FAM20C: variants seen among roughly 807,000 people sequenced by gnomAD.
FAM20C encodes extracellular serine/threonine protein kinase FAM20C.
Under a neutral mutation model 51.5 loss-of-function variants are expected in FAM20C, and 40 were observed. The ratio of observed to expected loss-of-function variants is 0.78; its 90% CI spans 0.60 to 1.01. The LOEUF (loss-of-function observed/expected upper bound fraction) is 1.01, where lower values mean the gene tolerates loss of function less well. Among genes scored for constraint, FAM20C ranks in the 50% least tolerant of loss-of-function variants. FAM20C has a pLI of 0.00. For synonymous variants in FAM20C, 406 were observed against 380.6 expected (o/e 1.07, Z -0.78); for missense variants, 861 against 844.7 (o/e 1.02, Z -0.24).
intron 3 of FAM20C, among the ~76,000 whole-genome samples, chr7:232,382 G>A (rs147817327): frequency 2.6e-5 from 4 of 152,314 alleles, no homozygotes; most frequent in Non-Finnish European, 2.9e-5. Context: ...CCACAGAGCC[G>A]TCTCCTCCCT....
chr7:201,075 G>T (rs988976276), intron 2 of FAM20C, among the ~76,000 whole-genome samples: 1 of 152,204 alleles, frequency 6.6e-6, no homozygotes, highest in Non-Finnish European at 1.5e-5. Flanking sequence ...GGAAGAACAG[G>T]GTGACCTGAG....
At chr7:213,420 G>A (rs1169692935) in intron 3 of FAM20C, among the ~76,000 whole-genome samples, 3 of 152,206 alleles carry the variant, frequency 2.0e-5, no homozygotes, top group Non-Finnish European at 2.9e-5. Flanking sequence ...TGAGTGACAC[G>A]TTTCTGAGGC....
At chr7:256,865 G>T in intron 7 of FAM20C, 102 bp downstream of exon 7, 1 of 1,418,554 alleles carries the variant, frequency 7.0e-7, no homozygotes, top group Non-Finnish European at 9.6e-7. Flanking sequence ...GCCCGGCTGC[G>T]GTCCTGTGGC....
At chr7:212,378 G>A (rs1010574538) in intron 3 of FAM20C, among the ~76,000 whole-genome samples, 1 of 152,186 alleles carries the variant, frequency 6.6e-6, no homozygotes, top group Non-Finnish European at 1.5e-5. Flanking sequence ...CAGGAGATTC[G>A]CTTGAACCTG....
intron 2 of FAM20C, among the ~76,000 whole-genome samples, chr7:197,785 G>T (rs1404671641): frequency 6.6e-6 from 1 of 152,210 alleles, no homozygotes; most frequent in Non-Finnish European, 1.5e-5. Flanking sequence ...AGGTGTGGGA[G>T]TTCTGTGCCA....
intron 2 of FAM20C, among the ~76,000 whole-genome samples, chr7:207,417 G>A (rs183057160): frequency 6.6e-6 from 1 of 152,156 alleles, no homozygotes; most frequent in Non-Finnish European, 1.5e-5. Flanking sequence ...TTCAGGGCCC[G>A]AGTTTGCTCT....
chr7:207,457 G>T (rs540099928), intron 2 of FAM20C, among the ~76,000 whole-genome samples: 1 of 152,342 alleles, frequency 6.6e-6, no homozygotes, highest in East Asian at 1.9e-4. Context: ...GCCGTCCTCT[G>T]TGGGGCCGGG....
chr7:212,031 C>A (rs144552252), intron 3 of FAM20C, among the ~76,000 whole-genome samples: 1 of 152,218 alleles, frequency 6.6e-6, no homozygotes, highest in East Asian at 1.9e-4. Flanking sequence ...CAGCCAGTGG[C>A]GCCCCTGATG....
Position 259,785 on chromosome 7 carries a change from G to A in FAM20C, c.1560G>A (p.Lys520=). ...RLQLLAKEEY[K]LSLLMAESLR... ...AGCTCCTGGCCAAGGAGGAGTACAA[G>A]CTGAGCCTGCTGATGGCCGAGTCTC... Residue 520 remains lysine (K), a synonymous_variant, in exon 10 of 10, where the codon AAG becomes AAA. Transcript: ENST00000313766. 6.5e-7 allele frequency: 1 copy of A among 1,536,750 alleles called. No homozygotes were observed. The highest frequency in any genetic ancestry group is 8.7e-7 in the Non-Finnish European group (1 of 1,146,870).
At chr7:246,809 T>C (rs1443956535) in intron 4 of FAM20C, among the ~76,000 whole-genome samples, 2 of 152,100 alleles carry the variant, frequency 1.3e-5, no homozygotes, top group Non-Finnish European at 2.9e-5. Flanking sequence ...GAGCCTTTCA[T>C]ATCCCCCTTT....
intron 2 of FAM20C, among the ~76,000 whole-genome samples, chr7:204,917 C>T (rs955342811): frequency 2.1e-4 from 32 of 152,156 alleles, no homozygotes; most frequent in African/African-American, 6.3e-4. Flanking sequence ...TCTCGGTGCT[C>T]GGGGAGGGGA....
At chr7:256,910 G>A in intron 7 of FAM20C, 95 bp from the exon 8 acceptor site, 14 of 1,449,046 alleles carry the variant, frequency 9.7e-6, no homozygotes, top group Non-Finnish European at 1.1e-5. Context: ...AGGTCACGCT[G>A]GCAGGAGGAG....
chr7:248,222 C>G (rs1409563135), intron 4 of FAM20C, 93 bp from the exon 5 acceptor site: 1 of 883,888 alleles, frequency 1.1e-6, no homozygotes, highest in Non-Finnish European at 1.7e-6. Flanking sequence ...AGAGCACAGA[C>G]CCTCCCCTGC....
intron 5 of FAM20C, among the ~76,000 whole-genome samples, chr7:252,475 C>T (rs1157289472): frequency 6.6e-6 from 1 of 150,892 alleles, no homozygotes; most frequent in African/African-American, 2.4e-5. Flanking sequence ...TGCAGACACC[C>T]CCTCGGCCTC....
chr7:229,221 TC>T, intron 3 of FAM20C: 2 of 245,546 alleles, frequency 8.1e-6, no homozygotes. Context: ...TGAGTTTCCT[TC>T]CACGTGCAAT....
chr7:250,525 G>C (rs1788355262), intron 5 of FAM20C, among the ~76,000 whole-genome samples: 1 of 152,184 alleles, frequency 6.6e-6, no homozygotes, highest in South Asian at 2.1e-4. Flanking sequence ...GAACGCATTG[G>C]CTCACAGACA....
intron 5 of FAM20C, among the ~76,000 whole-genome samples, chr7:248,718 C>T (rs1397978877): frequency 2.0e-5 from 3 of 149,334 alleles, no homozygotes; most frequent in Non-Finnish European, 4.5e-5. Flanking sequence ...TTCATCTCTC[C>T]AGGTAGCCTG....
intron 8 of FAM20C, among the ~76,000 whole-genome samples, chr7:257,987 G>C (rs1263217289): frequency 9.1e-6 from 1 of 109,708 alleles, no homozygotes; most frequent in African/African-American, 3.7e-5. Context: ...AGGCAGTGTG[G>C]ACCCACTGCC....
Position 217,131 on chromosome 7 carries a change from C to G in FAM20C, c.863+8155C>G, listed in dbSNP as rs552110256. Among the ~76,000 whole-genome samples, 32 of 152,252 alleles carry G rather than the reference C, an allele frequency of 2.1e-4. No individual in the cohort carries two copies. The East Asian group carries it at 4.4e-3, about 21-fold the overall frequency. ...AGGAGGATGGCCGTCAGCGGCCCCC[C>G]AGGGGTGAGCAGATGCAGCTCAGAC... On this transcript the variant is annotated intron_variant, in intron 3 of 9. Transcript: ENST00000313766.
Sources: gnomAD v4.1 joint callset for allele counts (sites outside exome capture counted in the v4.1 genomes callset) on GRCh38, gnomAD v4.1.1 for gene constraint, MANE v1.5 for transcripts, NCBI Gene and HGNC (gene_info 2026-07-23, HGNC 2026-07-21) for gene names.